TAF3: variants seen among roughly 807,000 people sequenced by gnomAD.
TAF3 encodes transcription initiation factor TFIID subunit 3.
TAF3 carries 7 observed loss-of-function variants against 80.6 expected under a neutral mutation model. The observed-to-expected ratio is 0.09, with a 90% CI of 0.05 to 0.16. The LOEUF (loss-of-function observed/expected upper bound fraction) is 0.16, where lower values mean the gene tolerates loss of function less well. Among genes scored for constraint, TAF3 ranks in the 10% least tolerant of loss-of-function variants. The pLI is 1.00. For synonymous variants in TAF3, 444 were observed against 446.1 expected, an observed-to-expected ratio of 1.00 and a Z score of 0.06; for missense variants, 921 against 1,140.2, an observed-to-expected ratio of 0.81 and a Z score of 2.77.
intron 2 of TAF3, among the ~76,000 whole-genome samples, chr10:7,853,286 T>C (rs554506033): frequency 6.6e-6 from 1 of 152,338 alleles, no homozygotes; most frequent in South Asian, 2.1e-4. Flanking sequence ...GTGAAAATAC[T>C]ATATAACTGT....
chr10:8,010,984 C>T (rs1302220190), intron 5 of TAF3, among the ~76,000 whole-genome samples: 1 of 152,170 alleles, frequency 6.6e-6, no homozygotes, highest in Non-Finnish European at 1.5e-5. Context: ...TAGTTTCTTA[C>T]TCCCTGAATA....
chr10:7,845,630 A>T (rs1176831727), intron 2 of TAF3, among the ~76,000 whole-genome samples: 1 of 151,426 alleles, frequency 6.6e-6, no homozygotes, highest in African/African-American at 2.4e-5. Context: ...ATCTGTGAGT[A>T]TTATAGCAGT....
chr10:7,952,715 C>T (rs142807870), intron 2 of TAF3, among the ~76,000 whole-genome samples: 43 of 152,218 alleles, frequency 2.8e-4, no homozygotes, highest in Non-Finnish European at 5.1e-4. Flanking sequence ...CATATTCACT[C>T]TACTATTAAT....
At chr10:7,865,948 A>C (rs1219781099) in intron 2 of TAF3, among the ~76,000 whole-genome samples, 3 of 152,220 alleles carry the variant, frequency 2.0e-5, no homozygotes, top group African/African-American at 7.2e-5. Context: ...ATCGTGTGTA[A>C]CAGACTGGAG....
At chr10:7,892,992 G>A (rs1161502048) in intron 2 of TAF3, among the ~76,000 whole-genome samples, 5 of 151,654 alleles carry the variant, frequency 3.3e-5, no homozygotes, top group South Asian at 4.1e-4. Flanking sequence ...ATTAATTTTT[G>A]TATTTTTAGT....
intron 4 of TAF3, among the ~76,000 whole-genome samples, chr10:7,985,159 A>G (rs1831763754): frequency 6.6e-6 from 1 of 152,170 alleles, no homozygotes; most frequent in Admixed American, 6.5e-5. Context: ...GTCTTTTTTA[A>G]TGTGGTAGCC....
intron 2 of TAF3, among the ~76,000 whole-genome samples, chr10:7,864,006 T>A (rs11255416): frequency 5.9e-4 from 90 of 151,928 alleles, no homozygotes; most frequent in African/African-American, 2.1e-3. Flanking sequence ...ATCCTGCTCC[T>A]TCATCCCCTT....
rs1023298503 is a variant in TAF3, at chr10:7,827,601, G to A, written c.409+3041G>A. On this transcript the variant is annotated intron_variant, in intron 2 of 6. Transcript: ENST00000344293. ...TCGAGACCATCCTGGCTAACACAGT[G>A]AAACCCCGTCTCTACTAAAGATACA... Among the ~76,000 whole-genome samples, 3 of 152,062 alleles carry A rather than the reference G, an allele frequency of 2.0e-5. No individual in the cohort carries two copies. In the East Asian group the frequency reaches 5.8e-4, roughly 29 times the overall value.
intron 2 of TAF3, among the ~76,000 whole-genome samples, chr10:7,844,217 G>A (rs1483582527): frequency 6.6e-6 from 1 of 152,010 alleles, no homozygotes; most frequent in African/African-American, 2.4e-5. Flanking sequence ...TGAAACTGTA[G>A]ATTTTCTATT....
chr10:7,827,992 C>G (rs554358627), intron 2 of TAF3, among the ~76,000 whole-genome samples: 1 of 152,048 alleles, frequency 6.6e-6, no homozygotes, highest in Non-Finnish European at 1.5e-5. Context: ...TATTAGTTCT[C>G]GTCCCCTTTT....
chr10:7,854,463 A>C (rs751518872), intron 2 of TAF3, among the ~76,000 whole-genome samples: 1 of 152,216 alleles, frequency 6.6e-6, no homozygotes, highest in Non-Finnish European at 1.5e-5. Context: ...TAACATGCTA[A>C]AGAGACAAAG....
At position 7,919,131 on chromosome 10, in the gene TAF3, G is replaced by A. The variant is rs573422964; in HGVS notation, c.410-44789G>A. On this transcript the variant is annotated intron_variant, in intron 2 of 6. Coordinates refer to ENST00000344293, the MANE Select transcript of TAF3 (RefSeq NM_031923.4). ...AATCTGAAAAAAAATGGGAGATTGA[G>A]TGCGACTAGGGGCCAGAAAACCGTG... Among the ~76,000 whole-genome samples the A allele has an allele frequency of 6.6e-5, 10 of 152,336 alleles. No homozygotes were observed. The South Asian group carries it at 2.1e-3, about 32-fold the overall frequency.
chr10:7,931,467 T>G (rs1272895837), intron 2 of TAF3, among the ~76,000 whole-genome samples: 1 of 152,234 alleles, frequency 6.6e-6, no homozygotes, highest in East Asian at 1.9e-4. Context: ...AATTGTGACA[T>G]TGCATCTCGG....
rs150729079 is a variant in TAF3, at chr10:7,845,274, CTGTTAT to C, written c.409+20716_409+20721del. Among the ~76,000 whole-genome samples, 607 of 151,656 alleles carry C rather than the reference CTGTTAT, an allele frequency of 4.0e-3. 6 individuals are homozygous for C. The highest frequency in any genetic ancestry group is 0.014 in the African/African-American group (578 of 41,374). On this transcript the variant is annotated intron_variant, in intron 2 of 6. Coordinates refer to ENST00000344293, the MANE Select transcript of TAF3 (RefSeq NM_031923.4). ...AAAATCTCCCACTGGAATATAACTG[CTGTTAT>C]TTTTTTGACGCCGCCCTCCAGGTCT...
intron 3 of TAF3, among the ~76,000 whole-genome samples, chr10:7,968,485 G>C (rs888053630): frequency 6.6e-6 from 1 of 152,168 alleles, no homozygotes; most frequent in Admixed American, 6.5e-5. Context: ...TAAGATCCAG[G>C]ACAAGTTTTT....
rs73616049 is a variant in TAF3 at position 7,863,125 on chromosome 10, A to G, written c.409+38565A>G. On this transcript the variant is annotated intron_variant, in intron 2 of 6. Coordinates refer to ENST00000344293, the MANE Select transcript of TAF3 (RefSeq NM_031923.4). ...AAAATCCAGGAAACTGTGGTGGACTAACTTCTTGGAAGTAGGACAGCATTT... is the reference window on the plus strand; with the variant it reads ...AAAATCCAGGAAACTGTGGTGGACTGACTTCTTGGAAGTAGGACAGCATTT... Among the ~76,000 whole-genome samples, 1,086 of 152,340 alleles carry G rather than the reference A, an allele frequency of 7.1e-3. 18 individuals carry two copies. The highest frequency in any genetic ancestry group is 0.025 in the African/African-American group (1,048 of 41,580).
chr10:8,002,667 T>A (rs1306622804), intron 4 of TAF3, among the ~76,000 whole-genome samples: 1 of 152,210 alleles, frequency 6.6e-6, no homozygotes, highest in African/African-American at 2.4e-5. Context: ...CCGCACTGAT[T>A]GAAGACAGAT....
At chr10:7,820,607 G>A (rs1406382612) in intron 1 of TAF3, among the ~76,000 whole-genome samples, 6 of 152,114 alleles carry the variant, frequency 3.9e-5, no homozygotes, top group South Asian at 2.1e-4. Flanking sequence ...TGATCCTCCC[G>A]CCTCAGCCTT....
chr10:7,911,013 C>T (rs1029800861), intron 2 of TAF3, among the ~76,000 whole-genome samples: 3 of 152,136 alleles, frequency 2.0e-5, no homozygotes, highest in Admixed American at 1.3e-4. Context: ...TTTTATTTGC[C>T]ACATTCTTAG....
Sources: allele counts gnomAD v4.1 joint callset (sites outside exome capture counted in the v4.1 genomes callset), GRCh38; gene constraint gnomAD v4.1.1; transcripts MANE v1.5; gene names NCBI Gene and HGNC (gene_info 2026-07-23, HGNC 2026-07-21).